TPCN1: variants seen among roughly 807,000 people sequenced by gnomAD.
The protein encoded by TPCN1 is two pore channel protein 1.
In TPCN1, 52 loss-of-function variants were observed where a neutral mutation model predicts 108.8. The ratio of observed to expected loss-of-function variants is 0.48; its 90% CI spans 0.38 to 0.60. TPCN1 has a LOEUF of 0.60. Ranked by LOEUF, TPCN1 falls within the 20% of genes least tolerant of loss-of-function variation. The pLI is 0.00. For missense variants in TPCN1, 806 were observed against 1,072.8 expected (o/e 0.75, Z 3.47); for synonymous variants, 446 against 433.7 (o/e 1.03, Z -0.35).
chr12:113,275,722 G>A (rs1398852357), intron 10 of TPCN1, among the ~76,000 whole-genome samples: 2 of 151,674 alleles, frequency 1.3e-5, no homozygotes, highest in African/African-American at 4.8e-5. Flanking sequence ...ACAGGCACCC[G>A]CCACCACGCC....
intron 2 of TPCN1, among the ~76,000 whole-genome samples, chr12:113,238,956 C>T (rs1211351378): frequency 6.6e-6 from 1 of 152,032 alleles, no homozygotes; most frequent in African/African-American, 2.4e-5. Flanking sequence ...CATAGTGAGA[C>T]CCCATTTCTA....
rs140208671 is a variant in TPCN1, at chr12:113,252,799, G to A, written c.113-7569G>A. On this transcript the variant is annotated intron_variant, in intron 2 of 27. Transcript: ENST00000335509. ...CCACATGAGCAGATTGAGGACGGTG[G>A]TTTGACCTTCTTCTGTCTCTGCCTA... Among the ~76,000 whole-genome samples, 785 of 152,290 alleles carry A rather than the reference G, an allele frequency of 5.2e-3. 11 individuals carry two copies. The highest frequency in any genetic ancestry group is 0.018 in the African/African-American group (742 of 41,564).
intron 27 of TPCN1, among the ~76,000 whole-genome samples, chr12:113,293,812 GGAA>G (rs1956345877): frequency 1.3e-5 from 2 of 152,212 alleles, no homozygotes; most frequent in African/African-American, 4.8e-5. Flanking sequence ...CTGCCCAATA[GGAA>G]GAAGGCCCTA....
In TPCN1 at chr12:113,288,534, G is replaced by A; in HGVS notation, c.1707-224G>A. On this transcript the variant is annotated intron_variant, in intron 20 of 27. Coordinates refer to ENST00000335509, the MANE Select transcript of TPCN1 (RefSeq NM_017901.6). The surrounding 1 kb of genome is among the most constrained non-coding windows in gnomAD (Gnocchi z 4.8). ...GTGAGTCTACCTTCACAGGTAAGGG[G>A]TGAATCTCTGGGAAAGGGGCATTTG... The A allele has an allele frequency of 6.7e-7, 1 of 1,482,408 alleles. No homozygotes were observed. Among genetic ancestry groups the A allele is most frequent in the Non-Finnish European group, 8.9e-7 (1 of 1,118,126 alleles). 91.8% of individuals were successfully genotyped at this position (1,482,408 alleles called of 1,614,324 possible).
At chr12:113,238,799 T>A (rs569811684) in intron 2 of TPCN1, among the ~76,000 whole-genome samples, 14 of 152,240 alleles carry the variant, frequency 9.2e-5, no homozygotes, top group Admixed American at 2.0e-4. Flanking sequence ...CCATGATGGA[T>A]TGTGAGAAAA....
chr12:113,293,200 C>T, intron 26 of TPCN1, 69 bp from the exon 27 acceptor site: 3 of 1,603,450 alleles, frequency 1.9e-6, no homozygotes, highest in South Asian at 1.1e-5. Flanking sequence ...GTGGGAGACG[C>T]CAACTGTGGC....
rs565473100 is a variant in TPCN1 at position 113,278,628 on chromosome 12, C to A, written c.1234-144C>A. 22 of 655,548 alleles carry A rather than the reference C, an allele frequency of 3.4e-5. No individual in the cohort carries two copies. In the African/African-American group the frequency reaches 3.4e-4, roughly 10 times the overall value. 40.6% of individuals were successfully genotyped at this position (655,548 alleles called of 1,614,324 possible). A position where few individuals can be genotyped will look rare whatever the true frequency, so the allele number is the denominator to read the frequency against. Reference sequence around the variant, plus strand: ...TAAACGCTCGGTACACACTGGCTGGCTGTGTTGTCATGTAGATCCCTGAAG... The same window carrying A: ...TAAACGCTCGGTACACACTGGCTGGATGTGTTGTCATGTAGATCCCTGAAG... On this transcript the variant is annotated intron_variant, in intron 13 of 27. Transcript: ENST00000335509.
At chr12:113,260,882 A>AT (rs113864407) in intron 3 of TPCN1, among the ~76,000 whole-genome samples, 9,806 of 146,506 alleles carry the variant, frequency 0.067, 381 homozygotes, top group Middle Eastern at 0.081. Flanking sequence ...TATTTTAGGA[A>AT]TTTTTTTTTT....
chr12:113,295,488 C>T (rs1956395669), intron 27 of TPCN1, among the ~76,000 whole-genome samples: 1 of 150,528 alleles, frequency 6.6e-6, no homozygotes, highest in Admixed American at 6.6e-5. Context: ...TACTTAATTC[C>T]TTAATTACCT....
intron 2 of TPCN1, among the ~76,000 whole-genome samples, chr12:113,230,309 GGTGGA>G (rs1462853861): frequency 2.1e-5 from 2 of 94,718 alleles, no homozygotes; most frequent in African/African-American, 7.9e-5. Context: ...TTTTTTTTGA[GGTGGA>G]GTATCACTCT....
chr12:113,295,859 G>GC, intron 27 of TPCN1, 101 bp from the exon 28 acceptor site: 1 of 1,315,696 alleles, frequency 7.6e-7, no homozygotes, highest in Non-Finnish European at 1.0e-6. Context: ...TGGCAGCCCT[G>GC]CCCCTTCCAG....
Position 113,284,626 on chromosome 12 carries a change from T to TCG in TPCN1, c.1388_1389insCG (p.Met464ValfsTer3). ...GGGGTCTGGATCCTCGTGGAGACAT[T>TCG]TATGCTGAAAGGTGAGCCCCGCTCA... On this transcript the variant is annotated frameshift_variant, in exon 16 of 28. Coordinates refer to ENST00000335509, the MANE Select transcript of TPCN1 (RefSeq NM_017901.6). LOFTEE classifies it high-confidence loss of function. The surrounding 1 kb of genome is among the most constrained non-coding windows in gnomAD (Gnocchi z 4.1). 1 of 1,614,184 alleles carries TCG rather than the reference T, an allele frequency of 6.2e-7. No individual in the cohort carries two copies.
chr12:113,278,642 A>T, intron 13 of TPCN1, 130 bp from the exon 14 acceptor site: 1 of 708,684 alleles, frequency 1.4e-6, no homozygotes, highest in Non-Finnish European at 2.4e-6. Context: ...GTTGTCATGT[A>T]GATCCCTGAA....
rs545739755 is a variant in TPCN1 at position 113,284,740 on chromosome 12, C to G, written c.1422C>G (p.His474Gln). ...CAGGTGGGAACTTCTTCTCCAAGCA[C>G]GTGCCCTGGAGTTACCTCGTCTTTC... ...MLKGGNFFSK[H>Q]VPWSYLVFLT... Residue 474 changes from histidine (H) to glutamine (Q), a missense_variant, in exon 17 of 28, where the codon CAC (histidine) becomes CAG (glutamine). Physicochemically the swap from His to Gln is conservative, Grantham distance 24. Transcript: ENST00000335509. This position sits in a 1 kb window ranked among gnomAD's most constrained non-coding sequence, Gnocchi z 4.1. 6.2e-7 allele frequency: 1 copy of G among 1,614,234 alleles called. No individual in the cohort carries two copies. The highest frequency in any genetic ancestry group is 8.5e-7 in the Non-Finnish European group (1 of 1,180,042).
intron 2 of TPCN1, among the ~76,000 whole-genome samples, chr12:113,230,433 C>T (rs1953645440): frequency 1.3e-5 from 2 of 152,002 alleles, no homozygotes; most frequent in African/African-American, 4.8e-5. Context: ...GCATGTGTCA[C>T]CACGCCCAGC....
At chr12:113,222,656 C>T (rs1953290723) in intron 1 of TPCN1, among the ~76,000 whole-genome samples, 1 of 152,174 alleles carries the variant, frequency 6.6e-6, no homozygotes, top group African/African-American at 2.4e-5. Flanking sequence ...CATTTGAATG[C>T]GAGGACTTTA....
intron 3 of TPCN1, among the ~76,000 whole-genome samples, chr12:113,260,777 G>A (rs1955001446): frequency 6.6e-6 from 1 of 152,206 alleles, no homozygotes. Flanking sequence ...TCTTCTCAGG[G>A]CACACTGAGA....
At chr12:113,293,467 G>A (rs111715254) in intron 27 of TPCN1, 118 bp downstream of exon 27, 14 of 982,614 alleles carry the variant, frequency 1.4e-5, no homozygotes, top group Middle Eastern at 3.1e-4. Context: ...GATGCAGACC[G>A]TCCATCGGGA....
intron 12 of TPCN1, 67 bp downstream of exon 12, chr12:113,277,431 G>A (rs1371800283): frequency 1.9e-6 from 3 of 1,595,752 alleles, no homozygotes; most frequent in Non-Finnish European, 2.6e-6. Flanking sequence ...GTGAACGGGG[G>A]CATGTGAAGG....
Sources: gnomAD v4.1 joint callset for allele counts (sites outside exome capture counted in the v4.1 genomes callset) on GRCh38, gnomAD v4.1.1 for gene constraint, Gnocchi (gnomAD v3.1) non-coding constraint, MANE v1.5 for transcripts, NCBI Gene and HGNC (gene_info 2026-07-23, HGNC 2026-07-21) for gene names.